Variants in CUX1 observed in about 807,000 individuals in gnomAD.
CUX1 encodes the protein cut like homeobox 1, also known as protein CASP.
CUX1 carries 31 observed loss-of-function variants against 158.8 expected under a neutral mutation model. The ratio of observed to expected loss-of-function variants is 0.20; its 90% CI spans 0.15 to 0.26. The LOEUF (loss-of-function observed/expected upper bound fraction) is 0.26. Ranked by LOEUF, CUX1 falls within the 10% of genes least tolerant of loss-of-function variation. CUX1 has a pLI of 1.00. For synonymous variants in CUX1, 879 were observed against 862.1 expected (o/e 1.02, Z -0.34); for missense variants, 1,589 against 2,014.6 (o/e 0.79, Z 4.04).
intron 8 of CUX1, among the ~76,000 whole-genome samples, chr7:102,128,401 G>A (rs542950198): frequency 9.9e-5 from 15 of 151,988 alleles, no homozygotes; most frequent in Admixed American, 6.6e-4. Context: ...GGATTGGGCC[G>A]GGTGCCAGGC....
chr7:102,131,074 A>G (rs776708130), intron 8 of CUX1, among the ~76,000 whole-genome samples: 1 of 148,322 alleles, frequency 6.7e-6, no homozygotes, highest in Admixed American at 6.9e-5. Context: ...ATGCCACTGC[A>G]TTTCAGCCTG....
At chr7:101,891,719 A>G (rs774723935) in intron 1 of CUX1, among the ~76,000 whole-genome samples, 25 of 152,334 alleles carry the variant, frequency 1.6e-4, no homozygotes, top group Non-Finnish European at 2.8e-4. Context: ...GGAAGGGTTC[A>G]TGGAGATGGT....
At chr7:102,098,970 A>G (rs1829499590) in intron 5 of CUX1, among the ~76,000 whole-genome samples, 1 of 151,922 alleles carries the variant, frequency 6.6e-6, no homozygotes, top group Non-Finnish European at 1.5e-5. Context: ...ATTGGCAAAG[A>G]CTTTCTAAAA....
intron 23 of CUX1, 70 bp downstream of exon 23, chr7:102,239,654 A>G (rs1481465342): frequency 5.8e-6 from 9 of 1,539,068 alleles, no homozygotes; most frequent in African/African-American, 1.4e-5. Flanking sequence ...GGAGGCCGCC[A>G]TGGCGCACAG....
intron 20 of CUX1, chr7:102,281,803 C>T (rs1554549322): frequency 7.1e-7 from 1 of 1,402,568 alleles, no homozygotes; most frequent in Admixed American, 1.7e-5. Flanking sequence ...GTGGGTGAGG[C>T]CGGCCCCATC....
chr7:102,224,065 C>T (rs1798107133), intron 20 of CUX1, among the ~76,000 whole-genome samples: 1 of 152,264 alleles, frequency 6.6e-6, no homozygotes, highest in South Asian at 2.1e-4. Flanking sequence ...GGCATCTCTC[C>T]ATGCCTGTGC....
chr7:102,152,935 C>G (rs1343001220), intron 8 of CUX1, among the ~76,000 whole-genome samples: 3 of 152,210 alleles, frequency 2.0e-5, no homozygotes, highest in Non-Finnish European at 4.4e-5. Context: ...AAGTGCAGTC[C>G]TTGTTATCAC....
intron 2 of CUX1, among the ~76,000 whole-genome samples, chr7:101,950,403 TTTG>T (rs1371762830): frequency 6.6e-6 from 1 of 151,984 alleles, no homozygotes; most frequent in East Asian, 1.9e-4. Flanking sequence ...TTGCCCATAG[TTTG>T]TTGTTTTTTT....
At chr7:102,262,414 G>GGATGGATGGAT (rs1457040299), downstream of CUX1, among the ~76,000 whole-genome samples, 8 of 151,840 alleles carry the variant, frequency 5.3e-5, no homozygotes, top group Non-Finnish European at 1.2e-4. Flanking sequence ...ATGGATGGAT[G>GGATGGATGGAT]GATGGATGGA....
chr7:102,053,918 G>GC (rs1166919787), intron 3 of CUX1, among the ~76,000 whole-genome samples: 1 of 149,302 alleles, frequency 6.7e-6, no homozygotes, highest in African/African-American at 2.5e-5. Flanking sequence ...CCATTCTCCT[G>GC]CCTCAGACTC....
At chr7:101,984,089 A>AAAAATAT (rs1221503978) in intron 2 of CUX1, among the ~76,000 whole-genome samples, 32 of 29,790 alleles carry the variant, frequency 1.1e-3, no homozygotes, top group Non-Finnish European at 1.3e-3. Context: ...AAAAAAAAAA[A>AAAAATAT]ATATATATAT....
chr7:101,974,201 A>T (rs1812370521), intron 2 of CUX1, among the ~76,000 whole-genome samples: 1 of 152,020 alleles, frequency 6.6e-6, no homozygotes, highest in Non-Finnish European at 1.5e-5. Context: ...CAAGTATCAA[A>T]TTCTCATTTT....
chr7:101,827,234 C>T (rs1186574871), intron 1 of CUX1, among the ~76,000 whole-genome samples: 2 of 109,000 alleles, frequency 1.8e-5, no homozygotes, highest in African/African-American at 6.5e-5. Flanking sequence ...CTTTTTTTCT[C>T]CCCTCCCCTC....
At chr7:102,098,645 CTTT>C (rs76559878) in intron 5 of CUX1, among the ~76,000 whole-genome samples, 83 of 143,240 alleles carry the variant, frequency 5.8e-4, no homozygotes, top group Non-Finnish European at 5.2e-4. Flanking sequence ...GCAAAGACTT[CTTT>C]TTTTTTTTTT....
Position 102,255,951 on chromosome 7 carries a change from C to T in CUX1, c.*6909C>T. 1 of 985,392 alleles carries T rather than the reference C, an allele frequency of 1.0e-6. No individual in the cohort carries two copies. Among genetic ancestry groups the T allele is most frequent in the Non-Finnish European group, 1.2e-6 (1 of 829,926 alleles). 61.0% of individuals were successfully genotyped at this position (985,392 alleles called of 1,614,324 possible). On this transcript the variant is annotated 3_prime_UTR_variant, in exon 24 of 24. Coordinates refer to ENST00000292535, the MANE Select transcript of CUX1 (RefSeq NM_181552.4). ...CATTTTAAAAAAATAACGTATTGCA[C>T]ACCAAATGAACTCAAAGTAAGCTTT...
intron 4 of CUX1, among the ~76,000 whole-genome samples, chr7:102,077,213 G>A (rs1469351777): frequency 1.3e-5 from 2 of 151,966 alleles, no homozygotes; most frequent in Admixed American, 1.3e-4. Context: ...AGAAGCCACA[G>A]GAAGCAGTTT....
At position 101,846,230 on chromosome 7, in the gene CUX1, T is replaced by C. The variant is rs539359075; in HGVS notation, c.30+28561T>C. 1.8e-3 allele frequency among the ~76,000 whole-genome samples: 269 copies of C among 152,326 alleles called. 1 individual carries two copies. The highest frequency in any genetic ancestry group is 5.7e-3 in the African/African-American group (236 of 41,588). ...TCTTCCAAGTTGAGCTCTCCCAGCATAGATGGCCCAGCTGCCAGGGCTGAT... is the reference window on the plus strand; with the variant it reads ...TCTTCCAAGTTGAGCTCTCCCAGCACAGATGGCCCAGCTGCCAGGGCTGAT... On this transcript the variant is annotated intron_variant, in intron 1 of 23. Transcript: ENST00000292535.
At chr7:101,860,689 G>T (rs981905335) in intron 1 of CUX1, among the ~76,000 whole-genome samples, 5 of 151,318 alleles carry the variant, frequency 3.3e-5, no homozygotes, top group African/African-American at 1.2e-4. Flanking sequence ...GTCCTGTCCT[G>T]TCCTTTCCTT....
At chr7:101,850,717 G>A (rs1796189957) in intron 1 of CUX1, among the ~76,000 whole-genome samples, 1 of 152,084 alleles carries the variant, frequency 6.6e-6, no homozygotes, top group African/African-American at 2.4e-5. Context: ...TATACCACTT[G>A]TCTTTGATAT....
Sources: allele counts gnomAD v4.1 joint callset (sites outside exome capture counted in the v4.1 genomes callset), GRCh38; gene constraint gnomAD v4.1.1; transcripts MANE v1.5; gene names NCBI Gene and HGNC (gene_info 2026-07-23, HGNC 2026-07-21).